EYA1: variants seen among roughly 807,000 people sequenced by gnomAD.
EYA1 encodes EYA transcriptional coactivator and phosphatase 1, also known as protein phosphatase EYA1.
In EYA1, 16 loss-of-function variants were observed where a neutral mutation model predicts 82.0. The observed-to-expected ratio is 0.20, with a 90% CI of 0.13 to 0.30. EYA1 has a LOEUF of 0.30. Ranked by LOEUF, EYA1 falls within the 10% of genes least tolerant of loss-of-function variation. EYA1 has a pLI of 1.00. For synonymous variants in EYA1, 261 were observed against 264.4 expected (o/e 0.99, Z 0.12); for missense variants, 633 against 730.7 (o/e 0.87, Z 1.54).
chr8:71,280,136 G>T (rs987295155), intron 9 of EYA1, among the ~76,000 whole-genome samples: 1 of 152,152 alleles, frequency 6.6e-6, no homozygotes, highest in African/African-American at 2.4e-5. Context: ...GGGTCCCTGG[G>T]CGTACTTGTT....
chr8:71,296,068 T>TTG, intron 9 of EYA1, among the ~76,000 whole-genome samples: 1 of 152,336 alleles, frequency 6.6e-6, no homozygotes, highest in East Asian at 1.9e-4. Flanking sequence ...TGTGAATTTT[T>TTG]TTAATTAAGA....
chr8:71,529,313 G>C (rs1432233053), intron 2 of EYA1: 1 of 152,102 alleles, frequency 6.6e-6, no homozygotes, highest in Admixed American at 6.6e-5. Flanking sequence ...AATCATTGTT[G>C]CTATCAGATA....
chr8:71,271,901 C>T lies in EYA1; in HGVS notation c.827-4G>A, dbSNP rs1816588392. ...GGGCTGTGGATTGTGCTGTACTCTG[C>T]AGGAATATAGGAAGGACTTTCATCT... On this transcript the variant is annotated splice_polypyrimidine_tract_variant and splice_region_variant and intron_variant, in intron 9 of 17. Coordinates refer to ENST00000340726, the MANE Select transcript of EYA1 (RefSeq NM_000503.6). The T allele has an allele frequency of 1.2e-6, 2 of 1,614,026 alleles. No homozygotes were observed. Among genetic ancestry groups the T allele is most frequent in the African/African-American group, 2.7e-5 (2 of 74,904 alleles).
chr8:71,375,964 C>G (rs889233138), intron 2 of EYA1, among the ~76,000 whole-genome samples: 1 of 152,052 alleles, frequency 6.6e-6, no homozygotes, highest in Non-Finnish European at 1.5e-5. Context: ...AAATTATGCA[C>G]ATATAATTTT....
intron 2 of EYA1, among the ~76,000 whole-genome samples, chr8:71,430,910 A>T (rs1222868511): frequency 1.3e-5 from 2 of 152,074 alleles, no homozygotes. Flanking sequence ...GGAGAAAAAA[A>T]AAAAAAACAC....
chr8:71,520,819 C>T (rs771840139), intron 2 of EYA1, among the ~76,000 whole-genome samples: 25 of 151,936 alleles, frequency 1.6e-4, no homozygotes, highest in African/African-American at 2.9e-4. Context: ...AAAATATATG[C>T]GTGCAAAATA....
chr8:71,524,375 A>G (rs1030129259), intron 2 of EYA1, among the ~76,000 whole-genome samples: 1 of 152,230 alleles, frequency 6.6e-6, no homozygotes, highest in African/African-American at 2.4e-5. Flanking sequence ...CTTATGACAG[A>G]AAAAGCTAAT....
At chr8:71,224,687 T>C (rs554264731) in intron 12 of EYA1, among the ~76,000 whole-genome samples, 1 of 152,224 alleles carries the variant, frequency 6.6e-6, no homozygotes, top group Non-Finnish European at 1.5e-5. Flanking sequence ...TTAGCAGCAC[T>C]TGAAAAAGAA....
chr8:71,542,775 T>A (rs1361974206), intron 1 of EYA1, among the ~76,000 whole-genome samples: 2 of 152,216 alleles, frequency 1.3e-5, no homozygotes, highest in Non-Finnish European at 2.9e-5. Flanking sequence ...TGAGATGGTA[T>A]CTCATTGTGG....
At chr8:71,425,483 A>T (rs1805149976) in intron 2 of EYA1, among the ~76,000 whole-genome samples, 1 of 152,156 alleles carries the variant, frequency 6.6e-6, no homozygotes, top group Admixed American at 6.5e-5. Flanking sequence ...CATTAGTTTT[A>T]ATTATTACCT....
intron 3 of EYA1, among the ~76,000 whole-genome samples, chr8:71,351,119 T>C (rs944429925): frequency 3.3e-5 from 5 of 152,136 alleles, no homozygotes; most frequent in Non-Finnish European, 5.9e-5. Context: ...ATACGTGGAA[T>C]AGAATTTCTA....
chr8:71,278,204 T>C (rs933540506), intron 9 of EYA1, among the ~76,000 whole-genome samples: 2 of 152,034 alleles, frequency 1.3e-5, no homozygotes, highest in Non-Finnish European at 2.9e-5. Context: ...TGATTAGTTC[T>C]TTGTCTCTCT....
chr8:71,211,018 T>C, intron 17 of EYA1, 138 bp downstream of exon 17: 1 of 708,754 alleles, frequency 1.4e-6, no homozygotes, highest in Admixed American at 2.0e-5. Context: ...AATTCTACTT[T>C]ACCCTGTTCA....
Position 71,340,721 on chromosome 8 carries a change from A to G in EYA1, c.125-6547T>C, listed in dbSNP as rs138609397. ...ATTGGAAAGTCTTATGCATTTCAAT[A>G]TATAATAAACTGCTTCATGACCTAA... On this transcript the variant is annotated intron_variant, in intron 3 of 17. Coordinates refer to ENST00000340726, the MANE Select transcript of EYA1 (RefSeq NM_000503.6). Among the ~76,000 whole-genome samples, 15 of 152,298 alleles carry G rather than the reference A, an allele frequency of 9.8e-5. No individual in the cohort carries two copies. The East Asian group carries it at 2.7e-3, about 27-fold the overall frequency.
chr8:71,229,176 A>G (rs1251609295), intron 12 of EYA1, among the ~76,000 whole-genome samples: 1 of 152,088 alleles, frequency 6.6e-6, no homozygotes, highest in Non-Finnish European at 1.5e-5. Context: ...TCCCTGCACC[A>G]GACAATAGCT....
chr8:71,518,376 T>A (rs564992910), intron 2 of EYA1, among the ~76,000 whole-genome samples: 11 of 152,260 alleles, frequency 7.2e-5, no homozygotes, highest in Non-Finnish European at 1.5e-4. Context: ...TTTCTCCAAC[T>A]TATTAGACAG....
At chr8:71,311,575 C>T (rs1195976935) in intron 7 of EYA1, among the ~76,000 whole-genome samples, 2 of 152,220 alleles carry the variant, frequency 1.3e-5, no homozygotes, top group Non-Finnish European at 2.9e-5. Context: ...CCCCCTCAGA[C>T]CATTCCAAAA....
intron 11 of EYA1, 116 bp downstream of exon 11, chr8:71,269,624 C>G: frequency 1.4e-6 from 1 of 701,570 alleles, no homozygotes. Flanking sequence ...CTATATAGTT[C>G]TTCTCCATTT....
At chr8:71,370,776 A>G (rs1021003550) in intron 2 of EYA1, among the ~76,000 whole-genome samples, 1 of 149,728 alleles carries the variant, frequency 6.7e-6, no homozygotes, top group African/African-American at 2.5e-5. Context: ...ACTTACCACC[A>G]TGCCTAGCTA....
Sources: allele counts gnomAD v4.1 joint callset (sites outside exome capture counted in the v4.1 genomes callset), GRCh38; gene constraint gnomAD v4.1.1; transcripts MANE v1.5; gene names NCBI Gene and HGNC (gene_info 2026-07-23, HGNC 2026-07-21).